The following MGMT variants were observed in gnomAD, a reference collection of about 807,000 sequenced individuals.
The protein encoded by MGMT is methylated-DNA--protein-cysteine methyltransferase.
In MGMT, 14 loss-of-function variants were observed where a neutral mutation model predicts 15.9. The observed-to-expected ratio is 0.88, with a 90% confidence interval of 0.58 to 1.37. The LOEUF is 1.37. Among genes scored for constraint, MGMT ranks in the 40% most tolerant of loss-of-function variants. The pLI, the probability that MGMT is intolerant of heterozygous loss-of-function variation, is 0.00. For missense variants in MGMT, 282 were observed against 268.1 expected, an observed-to-expected ratio of 1.05 and a Z score of -0.36; for synonymous variants, 130 against 118.2, an observed-to-expected ratio of 1.10 and a Z score of -0.65.
At chr10:129,614,553 G>C (rs763026182) in intron 2 of MGMT, among the ~76,000 whole-genome samples, 1 of 152,174 alleles carries the variant, frequency 6.6e-6, no homozygotes, top group Admixed American at 6.5e-5. Context: ...GACAGCTTTC[G>C]CTTCTTTGGC....
chr10:129,672,810 G>C (rs1362589656), intron 2 of MGMT, among the ~76,000 whole-genome samples: 1 of 151,952 alleles, frequency 6.6e-6, no homozygotes, highest in East Asian at 1.9e-4. Context: ...CTTTATTTCT[G>C]CCATTTTTGT....
chr10:129,598,287 G>C (rs568224553), intron 2 of MGMT, among the ~76,000 whole-genome samples: 1 of 152,282 alleles, frequency 6.6e-6, no homozygotes, highest in Admixed American at 6.5e-5. Flanking sequence ...TGAACCCTGC[G>C]TGGGCCACTT....
intron 2 of MGMT, among the ~76,000 whole-genome samples, chr10:129,637,699 G>T (rs546736204): frequency 1.3e-5 from 2 of 152,206 alleles, no homozygotes; most frequent in African/African-American, 4.8e-5. Flanking sequence ...GTTAGAATAG[G>T]CCCTAATTCA....
chr10:129,646,930 C>T (rs2133094448), intron 2 of MGMT, among the ~76,000 whole-genome samples: 1 of 151,414 alleles, frequency 6.6e-6, no homozygotes, highest in African/African-American at 2.4e-5. Context: ...CCTCCGTCCT[C>T]TTTCCCCTCT....
rs1461321391 is a variant in MGMT at position 129,566,917 on chromosome 10, C to T, written c.125+30540C>T. Among the ~76,000 whole-genome samples the T allele has an allele frequency of 6.6e-6, 1 of 152,118 alleles. No individual in the cohort carries two copies. Among genetic ancestry groups the T allele is most frequent in the Admixed American group, 6.5e-5 (1 of 15,278 alleles). ...ACTGAGTGGCCAGTGAGCAATCCGT[C>T]ATCAATGGAGATCAATACCCAGGAG... On this transcript the variant is annotated intron_variant, in intron 2 of 4. Coordinates refer to ENST00000651593, the MANE Select transcript of MGMT (RefSeq NM_002412.5). The surrounding 1 kb of genome is among the most constrained non-coding windows in gnomAD (Gnocchi z 4.1).
At chr10:129,650,596 T>C (rs1269680712) in intron 2 of MGMT, among the ~76,000 whole-genome samples, 1 of 152,214 alleles carries the variant, frequency 6.6e-6, no homozygotes, top group Non-Finnish European at 1.5e-5. Flanking sequence ...TGGCTCTTAC[T>C]GAACATGAAA....
chr10:129,654,935 A>G (rs1334208216), intron 2 of MGMT, among the ~76,000 whole-genome samples: 1 of 152,212 alleles, frequency 6.6e-6, no homozygotes, highest in Non-Finnish European at 1.5e-5. Context: ...TTTCCCACTG[A>G]AAATCAGTGG....
At chr10:129,722,337 C>G (rs1848382027) in intron 3 of MGMT, among the ~76,000 whole-genome samples, 1 of 152,044 alleles carries the variant, frequency 6.6e-6, no homozygotes, top group Non-Finnish European at 1.5e-5. Context: ...TATGCAAGGC[C>G]TCTCTACTAA....
Position 129,532,473 on chromosome 10 carries a change from G to A in MGMT, c.-12-3768G>A, listed in dbSNP as rs1053667985. On this transcript the variant is annotated intron_variant, in intron 1 of 4. Coordinates refer to ENST00000651593, the MANE Select transcript of MGMT (RefSeq NM_002412.5). The surrounding 1 kb of genome is among the most constrained non-coding windows in gnomAD (Gnocchi z 5.3). ...TGAGGACTCCTCTCTCCGGGAGACT[G>A]TCGGGGCTAAGCTGCCTGTGGCCCT... is the stretch of plus-strand genomic sequence containing the variant. 1.3e-5 allele frequency among the ~76,000 whole-genome samples: 2 copies of A among 152,182 alleles called. No homozygotes were observed. The highest frequency in any genetic ancestry group is 4.8e-5 in the African/African-American group (2 of 41,446).
intron 2 of MGMT, among the ~76,000 whole-genome samples, chr10:129,624,268 G>A (rs1455324182): frequency 6.6e-6 from 1 of 152,210 alleles, no homozygotes; most frequent in Non-Finnish European, 1.5e-5. Context: ...CCTGGGGATG[G>A]TCCTGCTCCC....
At chr10:129,679,025 A>G (rs1422858341) in intron 2 of MGMT, among the ~76,000 whole-genome samples, 2 of 151,430 alleles carry the variant, frequency 1.3e-5, no homozygotes, top group South Asian at 2.1e-4. Context: ...GTGAGCCAAG[A>G]TCATGCCATT....
intron 3 of MGMT, among the ~76,000 whole-genome samples, chr10:129,720,449 C>T (rs572734509): frequency 1.3e-5 from 2 of 152,348 alleles, no homozygotes; most frequent in Non-Finnish European, 2.9e-5. Context: ...CCCCAACCCT[C>T]CCACAGCACC....
In MGMT at chr10:129,539,903, T is replaced by G. The variant is rs566753505; in HGVS notation, c.125+3526T>G. 9.8e-5 allele frequency among the ~76,000 whole-genome samples: 15 copies of G among 152,370 alleles called. No individual in the cohort carries two copies. In the East Asian group the frequency reaches 2.9e-3, roughly 29 times the overall value. On this transcript the variant is annotated intron_variant, in intron 2 of 4. Coordinates refer to ENST00000651593, the MANE Select transcript of MGMT (RefSeq NM_002412.5). Reference sequence around the variant, plus strand: ...CTTCTATGTCTCTTAAGTTTGCCTATTACTTTTAGAATTCAGGTGTAAATT... The same window carrying G: ...CTTCTATGTCTCTTAAGTTTGCCTAGTACTTTTAGAATTCAGGTGTAAATT...
At chr10:129,576,032 G>A (rs978175654) in intron 2 of MGMT, among the ~76,000 whole-genome samples, 1 of 152,166 alleles carries the variant, frequency 6.6e-6, no homozygotes, top group Admixed American at 6.5e-5. Context: ...CTGAAATTGA[G>A]GCAATAATTA....
At position 129,506,232 on chromosome 10, in the gene MGMT, A is replaced by C. The variant is rs189048776; in HGVS notation, c.-12-30009A>C. 1.1e-4 allele frequency among the ~76,000 whole-genome samples: 16 copies of C among 152,138 alleles called. No individual in the cohort carries two copies. In the East Asian group the frequency reaches 2.7e-3, roughly 26 times the overall value. On this transcript the variant is annotated intron_variant, in intron 1 of 4. Transcript: ENST00000651593. ...GAATTCTCTCTCCTGCAATGTCGGT[A>C]CTGTCGTGGTTGAGACAGTTCATTG... is the stretch of plus-strand genomic sequence containing the variant.
chr10:129,689,957 T>G (rs1459107316), intron 2 of MGMT, among the ~76,000 whole-genome samples: 1 of 152,216 alleles, frequency 6.6e-6, no homozygotes, highest in Non-Finnish European at 1.5e-5. Context: ...TAAAATTGAG[T>G]CCTTGTGTGC....
chr10:129,598,269 C>T (rs1235004419), intron 2 of MGMT, among the ~76,000 whole-genome samples: 1 of 152,190 alleles, frequency 6.6e-6, no homozygotes, highest in Non-Finnish European at 1.5e-5. Context: ...AGCCAGGCTC[C>T]CTGAGATTGA....
chr10:129,579,530 C>T (rs554317627), intron 2 of MGMT, among the ~76,000 whole-genome samples: 38 of 152,320 alleles, frequency 2.5e-4, no homozygotes, highest in Non-Finnish European at 3.8e-4. Flanking sequence ...TTTGGAAGGA[C>T]GTTAAGGCAG....
chr10:129,672,225 T>C (rs1405780438), intron 2 of MGMT, among the ~76,000 whole-genome samples: 1 of 152,228 alleles, frequency 6.6e-6, no homozygotes, highest in Non-Finnish European at 1.5e-5. Flanking sequence ...AATCCAGAGA[T>C]ACTGTGACTT....
Sources: gnomAD v4.1 joint callset for allele counts (sites outside exome capture counted in the v4.1 genomes callset) on GRCh38, gnomAD v4.1.1 for gene constraint, Gnocchi (gnomAD v3.1) non-coding constraint, MANE v1.5 for transcripts, NCBI Gene and HGNC (gene_info 2026-07-23, HGNC 2026-07-21) for gene names.